Variants in ASMT observed in about 807,000 individuals in gnomAD.
The protein encoded by ASMT is acetylserotonin N-methyltransferase.
A neutral mutation model predicts 41.3 loss-of-function variants in ASMT; 53 were observed. That is an observed-to-expected ratio of 1.28 (90% confidence interval 1.03 to 1.61). The LOEUF is 1.61. Ranked by LOEUF, ASMT falls within the 40% of genes most tolerant of loss-of-function variation. The pLI is 0.00. For missense variants in ASMT, 531 were observed against 441.3 expected, an observed-to-expected ratio of 1.20 and a Z score of -1.82; for synonymous variants, 231 against 184.8, an observed-to-expected ratio of 1.25 and a Z score of -2.03.
At chrX:1,641,871 G>C (rs1386704297) in intron 8 of ASMT, among the ~76,000 whole-genome samples, 2 of 145,840 alleles carry the variant, frequency 1.4e-5, no homozygotes, top group African/African-American at 5.1e-5. Flanking sequence ...TGGGGACAGT[G>C]TCCCAGTGTC....
intron 3 of ASMT, among the ~76,000 whole-genome samples, chrX:1,627,461 A>G (rs1455437271): frequency 2.6e-5 from 4 of 151,708 alleles, no homozygotes; most frequent in Non-Finnish European, 5.9e-5. Context: ...TCTCCACTAA[A>G]AATACAAAAA....
chrX:1,615,765 G>A (rs1281654117), intron 1 of ASMT, among the ~76,000 whole-genome samples: 2 of 151,476 alleles, frequency 1.3e-5, no homozygotes, highest in African/African-American at 4.9e-5. Flanking sequence ...TCGCACCACT[G>A]CACTCCCGCC....
chrX:1,630,924 T>C (rs1393315568), intron 5 of ASMT, among the ~76,000 whole-genome samples: 1 of 149,196 alleles, frequency 6.7e-6, no homozygotes, highest in Non-Finnish European at 1.5e-5. Context: ...TTTATTTTTT[T>C]TTTTGAGATG....
At chrX:1,628,964 TTCCTTCTTTC>T (rs1934667833) in intron 4 of ASMT, among the ~76,000 whole-genome samples, 1 of 132,586 alleles carries the variant, frequency 7.5e-6, no homozygotes. Flanking sequence ...CCTTCTTTCT[TTCCTTCTTTC>T]TCCTTCCTTC....
At chrX:1,642,080 G>A (rs1326195967) in intron 8 of ASMT, among the ~76,000 whole-genome samples, 2 of 147,998 alleles carry the variant, frequency 1.4e-5, no homozygotes, top group East Asian at 2.0e-4. Flanking sequence ...ATGAGGATGT[G>A]GGCACAGCCT....
At chrX:1,640,438 G>A (rs1360089542) in intron 8 of ASMT, among the ~76,000 whole-genome samples, 16 of 34,954 alleles carry the variant, frequency 4.6e-4, no homozygotes, top group Admixed American at 1.6e-3. Context: ...GAGGATGTGG[G>A]CACAGCCTCT....
chrX:1,619,262 CGG>C (rs1366350830), intron 1 of ASMT, among the ~76,000 whole-genome samples: 2 of 151,542 alleles, frequency 1.3e-5, no homozygotes, highest in East Asian at 3.9e-4. Context: ...GGCGTGGTGG[CGG>C]GCACCTGTAG....
chrX:1,633,416 A>C, intron 7 of ASMT, 126 bp downstream of exon 7: 8 of 1,096,460 alleles, frequency 7.3e-6, no homozygotes, highest in Non-Finnish European at 9.8e-6. Context: ...CCCTCAACTC[A>C]ACACTGTCTG....
intron 7 of ASMT, among the ~76,000 whole-genome samples, chrX:1,635,729 G>A (rs1934933823): frequency 6.6e-6 from 1 of 151,644 alleles, no homozygotes; most frequent in Non-Finnish European, 1.5e-5. Flanking sequence ...GGGCGTGGTG[G>A]CGGGTGCCTG....
At chrX:1,625,294 C>T (rs1191986529) in intron 3 of ASMT, among the ~76,000 whole-genome samples, 13 of 151,344 alleles carry the variant, frequency 8.6e-5, no homozygotes, top group South Asian at 2.1e-4. Context: ...TTGGTAGAGA[C>T]GGGGTTTCAC....
At position 1,615,390 on chromosome X, in the gene ASMT, G is replaced by A. The variant is rs28408621; in HGVS notation, c.69+122G>A. On this transcript the variant is annotated intron_variant, in intron 1 of 8. Transcript: ENST00000381241. ...CATTTTAGGAGGTTTATTTTCCACCGTGAAAGACGTACACCCACGATGTAG... is the reference window on the plus strand; with the variant it reads ...CATTTTAGGAGGTTTATTTTCCACCATGAAAGACGTACACCCACGATGTAG... The A allele has an allele frequency of 3.8e-3, 3,861 of 1,006,528 alleles. 76 individuals carry two copies. The African/African-American group carries it at 0.052, about 13-fold the overall frequency. The allele number at this position is 1,006,528 out of a possible 1,614,324, so 62.3% of individuals were successfully genotyped here.
intron 1 of ASMT, among the ~76,000 whole-genome samples, chrX:1,619,043 A>T (rs1239302181): frequency 6.6e-6 from 1 of 152,170 alleles, no homozygotes; most frequent in African/African-American, 2.4e-5. Flanking sequence ...TAACAGAAAC[A>T]ATTAGCTAAT....
chrX:1,642,787 G>A lies in ASMT; in HGVS notation c.911-16G>A, dbSNP rs764892576. On this transcript the variant is annotated splice_polypyrimidine_tract_variant and intron_variant, in intron 8 of 8. Transcript: ENST00000381241. ...TGTGTTTGTGTGTGATGTGGACTGT[G>A]CCCCTCCCTTTCTAGGTGGTGGCAT... 1.2e-6 allele frequency: 2 copies of A among 1,611,798 alleles called. No individual in the cohort carries two copies. The highest frequency in any genetic ancestry group is 1.3e-5 in the African/African-American group (1 of 75,002).
intron 1 of ASMT, among the ~76,000 whole-genome samples, chrX:1,618,135 A>T (rs1934206316): frequency 6.6e-6 from 1 of 151,878 alleles, no homozygotes; most frequent in Non-Finnish European, 1.5e-5. Flanking sequence ...CCTGCCACCA[A>T]GCCTGGCTAA....
chrX:1,615,519 T>G (rs185137520), intron 1 of ASMT, among the ~76,000 whole-genome samples: 4 of 152,152 alleles, frequency 2.6e-5, no homozygotes, highest in Non-Finnish European at 4.4e-5. Context: ...GTAAGTACAT[T>G]GGGCCAGTCG....
intron 1 of ASMT, among the ~76,000 whole-genome samples, chrX:1,618,364 A>C (rs774364834): frequency 6.6e-6 from 1 of 152,134 alleles, no homozygotes; most frequent in Admixed American, 6.6e-5. Context: ...GGGTTTCATC[A>C]TGTTGGCCAG....
At position 1,643,055 on chromosome X, in the gene ASMT, A is replaced by G; in HGVS notation, c.*41A>G. The G allele has an allele frequency of 6.3e-7, 1 of 1,598,218 alleles. No homozygotes were observed. Among genetic ancestry groups the G allele is most frequent in the Non-Finnish European group, 8.6e-7 (1 of 1,165,608 alleles). ...TGGAACTAACGTCAAAGCACACAAGACATAATAATAAAGACATGTACCTCC... is the reference window on the plus strand; with the variant it reads ...TGGAACTAACGTCAAAGCACACAAGGCATAATAATAAAGACATGTACCTCC... On this transcript the variant is annotated 3_prime_UTR_variant, in exon 9 of 9. Transcript: ENST00000381241.
At chrX:1,637,215 A>ATC (rs1935025977) in intron 8 of ASMT, among the ~76,000 whole-genome samples, 14 of 22,048 alleles carry the variant, frequency 6.3e-4, no homozygotes, top group East Asian at 8.0e-3. Context: ...TCCTGATGGC[A>ATC]CATGAGGATG....
At chrX:1,627,267 A>G (rs1934584874) in intron 3 of ASMT, among the ~76,000 whole-genome samples, 1 of 150,774 alleles carries the variant, frequency 6.6e-6, no homozygotes, top group African/African-American at 2.4e-5. Flanking sequence ...CGGAGATTAC[A>G]GTGAGCCAAG....
Sources: allele counts gnomAD v4.1 joint callset (sites outside exome capture counted in the v4.1 genomes callset), GRCh38; gene constraint gnomAD v4.1.1; transcripts MANE v1.5; gene names NCBI Gene and HGNC (gene_info 2026-07-23, HGNC 2026-07-21).